Variants in MLLT10 observed in about 807,000 individuals in gnomAD.
The protein encoded by MLLT10 is MLLT10 histone lysine methyltransferase DOT1L cofactor.
Under a neutral mutation model 129.1 loss-of-function variants are expected in MLLT10, and 30 were observed. The observed-to-expected ratio is 0.23, with a 90% CI of 0.17 to 0.32. The LOEUF is 0.32. MLLT10 is among the 10% of genes least tolerant of loss of function. The pLI is 1.00. For synonymous variants in MLLT10, 490 were observed against 446.4 expected (o/e 1.10, Z -1.23); for missense variants, 1,119 against 1,268.3 (o/e 0.88, Z 1.79).
At chr10:21,625,211 C>T (rs1303000270) in intron 8 of MLLT10, 7 of 1,489,298 alleles carry the variant, frequency 4.7e-6, no homozygotes, top group African/African-American at 1.4e-5. Flanking sequence ...AGCAGCTTGG[C>T]GCTCTTTCCT....
intron 8 of MLLT10, among the ~76,000 whole-genome samples, chr10:21,649,984 A>G (rs559402574): frequency 2.8e-4 from 42 of 152,274 alleles, no homozygotes; most frequent in African/African-American, 1.0e-3. Context: ...GTTTCCTAAA[A>G]AGTCTGAATT....
At chr10:21,559,704 T>C (rs746028614) in intron 3 of MLLT10, among the ~76,000 whole-genome samples, 1 of 152,234 alleles carries the variant, frequency 6.6e-6, no homozygotes, top group Non-Finnish European at 1.5e-5. Context: ...GAATCTTATA[T>C]TTGTTCTTTT....
intron 21 of MLLT10, among the ~76,000 whole-genome samples, chr10:21,736,403 G>T (rs544424799): frequency 3.3e-5 from 5 of 152,298 alleles, no homozygotes; most frequent in African/African-American, 1.2e-4. Context: ...TCCTGCCTCA[G>T]CCTCCCGAGT....
chr10:21,589,272 C>T (rs1332671458), intron 4 of MLLT10, among the ~76,000 whole-genome samples: 1 of 149,080 alleles, frequency 6.7e-6, no homozygotes, highest in Non-Finnish European at 1.5e-5. Flanking sequence ...ATTAATCTTT[C>T]ATGATGTCTG....
At chr10:21,664,685 A>G (rs981590233) in intron 9 of MLLT10, among the ~76,000 whole-genome samples, 5 of 151,974 alleles carry the variant, frequency 3.3e-5, no homozygotes, top group Admixed American at 3.3e-4. Flanking sequence ...TAAGTTTTCT[A>G]TATCCTTACT....
At chr10:21,729,236 T>C (rs1310548665) in intron 16 of MLLT10, among the ~76,000 whole-genome samples, 1 of 152,232 alleles carries the variant, frequency 6.6e-6, no homozygotes, top group East Asian at 1.9e-4. Flanking sequence ...GTTTGCTCAG[T>C]GTTTAGTGGA....
intron 14 of MLLT10, among the ~76,000 whole-genome samples, chr10:21,715,861 G>A (rs1393187999): frequency 2.0e-5 from 3 of 151,926 alleles, no homozygotes; most frequent in Non-Finnish European, 4.4e-5. Context: ...TCAGAAAGAT[G>A]GGTCTCTTAC....
At chr10:21,626,310 TG>T in intron 8 of MLLT10, 2 of 1,135,448 alleles carry the variant, frequency 1.8e-6, no homozygotes, top group Non-Finnish European at 1.3e-6. Context: ...GGCTGGTGGC[TG>T]GGCCCGTGAG....
intron 5 of MLLT10, among the ~76,000 whole-genome samples, chr10:21,609,243 T>G (rs2131182241): frequency 6.6e-6 from 1 of 152,326 alleles, no homozygotes; most frequent in Middle Eastern, 3.4e-3. Context: ...TCTTTCCTTT[T>G]GGAGGTGTTT....
At chr10:21,615,056 G>T in intron 7 of MLLT10, 132 bp downstream of exon 7, 1 of 644,378 alleles carries the variant, frequency 1.6e-6, no homozygotes, top group Non-Finnish European at 2.6e-6. Flanking sequence ...TGTTTAGCAT[G>T]TTCTTTATTG....
At chr10:21,614,326 T>A (rs2045007890) in intron 6 of MLLT10, among the ~76,000 whole-genome samples, 1 of 152,116 alleles carries the variant, frequency 6.6e-6, no homozygotes, top group Non-Finnish European at 1.5e-5. Context: ...TCTCGCTTAT[T>A]GTGCTGTGAC....
At chr10:21,598,650 G>GA (rs1343677729) in intron 5 of MLLT10, among the ~76,000 whole-genome samples, 3 of 152,282 alleles carry the variant, frequency 2.0e-5, no homozygotes, top group African/African-American at 7.2e-5. Context: ...TTGGGAGGCC[G>GA]AAGCCAGCGG....
chr10:21,618,196 T>G (rs2045453629), intron 8 of MLLT10, among the ~76,000 whole-genome samples: 1 of 152,202 alleles, frequency 6.6e-6, no homozygotes, highest in Admixed American at 6.5e-5. Context: ...ATTTGGTAAA[T>G]GCCAACAAAT....
intron 15 of MLLT10, 102 bp from the exon 16 acceptor site, chr10:21,727,754 G>A (rs1354860038): frequency 2.5e-6 from 2 of 812,220 alleles, no homozygotes; most frequent in Admixed American, 2.3e-5. Context: ...CAAAGATAGT[G>A]GTAAAGGTTT....
chr10:21,719,092 A>G (rs1399436027), intron 14 of MLLT10, among the ~76,000 whole-genome samples: 6 of 152,224 alleles, frequency 3.9e-5, no homozygotes, highest in Non-Finnish European at 8.8e-5. Context: ...TTTCATCTCA[A>G]TTAGCTTCGA....
At chr10:21,640,284 TA>T in intron 8 of MLLT10, among the ~76,000 whole-genome samples, 1 of 144,198 alleles carries the variant, frequency 6.9e-6, no homozygotes, top group Middle Eastern at 3.6e-3. Context: ...GTATTATATA[TA>T]ATATATATTA....
intron 13 of MLLT10, among the ~76,000 whole-genome samples, chr10:21,695,061 CTTTT>C (rs71393922): frequency 9.6e-6 from 1 of 104,024 alleles, no homozygotes; most frequent in Non-Finnish European, 1.9e-5. Context: ...TTTCTACCTT[CTTTT>C]TTTTTTTTTT....
At position 21,733,542 on chromosome 10, in the gene MLLT10, CAT is replaced by C; in HGVS notation, c.2450_2451del (p.Ile817ArgfsTer7). 6.3e-7 allele frequency: 1 copy of C among 1,575,310 alleles called. No individual in the cohort carries two copies. Reference protein sequence around the residue: ...TDSLNSSKSPHIGNSFLPDNS... With the variant: ...TDSLNSSKSPXIGNSFLPDNS... ...TTCCTTGAACAGCAGTAAGAGCCCT[CAT>C]ATAGGAAACAGCTTTTTACCTGATA... On this transcript the variant is annotated frameshift_variant, in exon 19 of 23. Coordinates refer to ENST00000307729, the MANE Select transcript of MLLT10 (RefSeq NM_001195626.3). LOFTEE classifies it high-confidence loss of function.
intron 13 of MLLT10, among the ~76,000 whole-genome samples, chr10:21,689,643 A>T (rs1243196): frequency 0.22 from 30,012 of 133,530 alleles, 4,161 homozygotes; most frequent in Middle Eastern, 0.45. Flanking sequence ...ACACACATTT[A>T]TATATATATA....
Sources: gnomAD v4.1 joint callset for allele counts (sites outside exome capture counted in the v4.1 genomes callset) on GRCh38, gnomAD v4.1.1 for gene constraint, MANE v1.5 for transcripts, NCBI Gene and HGNC (gene_info 2026-07-23, HGNC 2026-07-21) for gene names.